ABI1: variants seen among roughly 807,000 people sequenced by gnomAD.
ABI1 encodes the protein Abelson interactor 1.
Under a neutral mutation model 54.6 loss-of-function variants are expected in ABI1, and 14 were observed. The observed-to-expected ratio is 0.26, with a 90% confidence interval of 0.17 to 0.40. The LOEUF is 0.40. ABI1 is among the 10% of genes least tolerant of loss of function. The pLI, the probability that ABI1 is intolerant of heterozygous loss-of-function variation, is 1.00. For synonymous variants in ABI1, 194 were observed against 209.3 expected (o/e 0.93, Z 0.63); for missense variants, 443 against 598.3 (o/e 0.74, Z 2.71).
intron 9 of ABI1, among the ~76,000 whole-genome samples, chr10:26,753,440 ATTAGT>A (rs761295921): frequency 1.5e-4 from 23 of 152,324 alleles, no homozygotes; most frequent in Middle Eastern, 3.4e-3. Flanking sequence ...GATTTATCAC[ATTAGT>A]TTAATGTTTT....
intron 1 of ABI1, among the ~76,000 whole-genome samples, chr10:26,831,380 TAA>T (rs2048661744): frequency 1.3e-5 from 2 of 152,010 alleles, no homozygotes; most frequent in Non-Finnish European, 1.5e-5. Flanking sequence ...CCATCTCTAC[TAA>T]AAATACAAAA....
rs1027756482 is a variant in ABI1, at chr10:26,860,803, C to T, written c.61G>A (p.Glu21Lys). Residue 21 changes from glutamate (E) to lysine (K), a missense_variant, in exon 1 of 11, where the codon GAG becomes AAG. Coordinates refer to ENST00000376140, the MANE Select transcript of ABI1 (RefSeq NM_001012750.3). This position sits in a 1 kb window ranked among gnomAD's most constrained non-coding sequence, Gnocchi z 4.1. Reference protein sequence around the residue: ...EIPSGKRALIESYQNLTRVAD... With the variant: ...EIPSGKRALIKSYQNLTRVAD... ...ACCCGAGTCAGGTTCTGGTAACTCTCGATCAGCGCCCTCTTGCCAGACGGG... is the reference window on the plus strand; with the variant it reads ...ACCCGAGTCAGGTTCTGGTAACTCTTGATCAGCGCCCTCTTGCCAGACGGG... 6.2e-7 allele frequency: 1 copy of T among 1,614,214 alleles called. No homozygotes were observed. Among genetic ancestry groups the T allele is most frequent in the Non-Finnish European group, 8.5e-7 (1 of 1,180,050 alleles).
intron 2 of ABI1, among the ~76,000 whole-genome samples, chr10:26,785,783 T>C (rs891344229): frequency 6.6e-6 from 1 of 151,644 alleles, no homozygotes; most frequent in African/African-American, 2.4e-5. Flanking sequence ...CTTACAAGGC[T>C]TACTACCTAT....
intron 10 of ABI1, among the ~76,000 whole-genome samples, chr10:26,750,352 G>GGCGT (rs1196865245): frequency 6.6e-6 from 1 of 152,138 alleles, no homozygotes; most frequent in Non-Finnish European, 1.5e-5. Flanking sequence ...AAGTTAGCTG[G>GGCGT]GCGTGGTGGC....
chr10:26,763,943 G>A lies in ABI1; in HGVS notation c.820+1275C>T, dbSNP rs149749581. ...GGTGCTGGTGGAGCTCCAGAAGGAG[G>A]AGGGACAGAAATGTTTTCTAATAAA... On this transcript the variant is annotated intron_variant, in intron 7 of 10. Transcript: ENST00000376140. 907 of 1,612,504 alleles carry A rather than the reference G, an allele frequency of 5.6e-4. 8 individuals are homozygous for A. The African/African-American group carries it at 0.01, about 18-fold the overall frequency.
chr10:26,770,369 T>G (rs182533736), intron 4 of ABI1, 24 bp from the exon 5 acceptor site: 5 of 1,589,794 alleles, frequency 3.1e-6, no homozygotes, highest in Non-Finnish European at 4.3e-6. Context: ...AGAAATGCTT[T>G]TATTTTTATA....
chr10:26,859,077 G>A (rs897628915), intron 1 of ABI1, among the ~76,000 whole-genome samples: 1 of 151,794 alleles, frequency 6.6e-6, no homozygotes, highest in African/African-American at 2.4e-5. Context: ...TTTTAATATC[G>A]ATAAACTACG....
intron 1 of ABI1, among the ~76,000 whole-genome samples, chr10:26,857,993 C>T (rs754569273): frequency 6.6e-6 from 1 of 152,068 alleles, no homozygotes; most frequent in Non-Finnish European, 1.5e-5. Context: ...AACTTAAATG[C>T]ACCACAGCCA....
chr10:26,746,629 G>T lies in ABI1; in HGVS notation c.*1941C>A. The T allele has an allele frequency of 1.3e-6, 1 of 764,064 alleles. No homozygotes were observed. Among genetic ancestry groups the T allele is most frequent in the South Asian group, 1.7e-5 (1 of 60,318 alleles). 47.3% of individuals were successfully genotyped at this position (764,064 alleles called of 1,614,324 possible). A position where few individuals can be genotyped will look rare whatever the true frequency, so the allele number is the denominator to read the frequency against. On this transcript the variant is annotated 3_prime_UTR_variant, in exon 11 of 11. Transcript: ENST00000376140. ...CAATTTATTTTTTTTTATTGCAAAA[G>T]TTTTTTCAGAAAACTTTTTAAATGT... is the stretch of plus-strand genomic sequence containing the variant.
intron 5 of ABI1, 88 bp from the exon 6 acceptor site, chr10:26,769,080 C>A: frequency 1.0e-6 from 1 of 978,218 alleles, no homozygotes; most frequent in Non-Finnish European, 1.4e-6. Context: ...CCTTTGTGAC[C>A]ATGTATACCA....
chr10:26,792,391 G>A (rs1843584028), intron 2 of ABI1, among the ~76,000 whole-genome samples: 4 of 152,142 alleles, frequency 2.6e-5, no homozygotes, highest in African/African-American at 9.7e-5. Context: ...TAACTGGCAG[G>A]TGAAAGAGAA....
At position 26,860,209 on chromosome 10, in the gene ABI1, AC is replaced by A. The variant is rs2051186951; in HGVS notation, c.117+537del. Among the ~76,000 whole-genome samples the A allele has an allele frequency of 6.6e-6, 1 of 152,078 alleles. No homozygotes were observed. The highest frequency in any genetic ancestry group is 6.5e-5 in the Admixed American group (1 of 15,270). ...AAAGACACACCCTCTGGGGGCTGAA[AC>A]TGACATAATCGCCCCCACCCCACCC... On this transcript the variant is annotated intron_variant, in intron 1 of 10. Coordinates refer to ENST00000376140, the MANE Select transcript of ABI1 (RefSeq NM_001012750.3). The surrounding 1 kb of genome is among the most constrained non-coding windows in gnomAD (Gnocchi z 4.1).
intron 2 of ABI1, among the ~76,000 whole-genome samples, chr10:26,780,886 C>A (rs969162692): frequency 5.9e-5 from 9 of 152,132 alleles, no homozygotes; most frequent in Non-Finnish European, 1.2e-4. Context: ...GCTACTGTGA[C>A]CTTTTGGGTG....
chr10:26,787,000 T>C (rs1842804581), intron 2 of ABI1, among the ~76,000 whole-genome samples: 1 of 152,222 alleles, frequency 6.6e-6, no homozygotes, highest in South Asian at 2.1e-4. Context: ...TCTCTATTGG[T>C]TTATGTAAGT....
intron 10 of ABI1, 134 bp downstream of exon 10, chr10:26,751,464 A>C: frequency 1.3e-6 from 1 of 782,618 alleles, no homozygotes; most frequent in Non-Finnish European, 1.9e-6. Flanking sequence ...TTAGGAAGTA[A>C]GGTTTAAGTA....
At chr10:26,814,234 A>C (rs2047417535) in intron 2 of ABI1, among the ~76,000 whole-genome samples, 1 of 152,208 alleles carries the variant, frequency 6.6e-6, no homozygotes, top group South Asian at 2.1e-4. Flanking sequence ...AGAAGAGAAA[A>C]TCAGTGGATC....
At chr10:26,769,428 T>C (rs937801049) in intron 5 of ABI1, among the ~76,000 whole-genome samples, 8 of 152,154 alleles carry the variant, frequency 5.3e-5, no homozygotes, top group Non-Finnish European at 8.8e-5. Flanking sequence ...ATTCTAATCA[T>C]TACTTTCTCA....
chr10:26,841,098 G>T (rs2049463959), intron 1 of ABI1, among the ~76,000 whole-genome samples: 1 of 152,152 alleles, frequency 6.6e-6, no homozygotes, highest in African/African-American at 2.4e-5. Context: ...CAATAGCAGA[G>T]TTGAGTAATT....
chr10:26,819,199 A>C (rs917689899), intron 2 of ABI1, among the ~76,000 whole-genome samples: 3 of 152,136 alleles, frequency 2.0e-5, no homozygotes, highest in Non-Finnish European at 4.4e-5. Flanking sequence ...AAAGTGTTAC[A>C]CCAAATCAGC....
Sources: allele counts gnomAD v4.1 joint callset (sites outside exome capture counted in the v4.1 genomes callset), GRCh38; gene constraint gnomAD v4.1.1; non-coding constraint Gnocchi (gnomAD v3.1); transcripts MANE v1.5; gene names NCBI Gene and HGNC (gene_info 2026-07-23, HGNC 2026-07-21).